PLXNA4: variants seen among roughly 807,000 people sequenced by gnomAD.
The protein encoded by PLXNA4 is plexin-A4.
Under a neutral mutation model 191.8 loss-of-function variants are expected in PLXNA4, and 44 were observed. The observed-to-expected ratio is 0.23, with a 90% CI of 0.18 to 0.29. PLXNA4 has a LOEUF of 0.29. PLXNA4 is among the 10% of genes least tolerant of loss of function. PLXNA4 has a pLI of 1.00. For synonymous variants in PLXNA4, 1,082 were observed against 1,009.5 expected (o/e 1.07, Z -1.36); for missense variants, 1,800 against 2,488.8 (o/e 0.72, Z 5.89).
intron 26 of PLXNA4, among the ~76,000 whole-genome samples, chr7:132,148,319 T>G (rs2082585421): frequency 6.6e-6 from 1 of 152,208 alleles, no homozygotes; most frequent in Non-Finnish European, 1.5e-5. Context: ...CCCTGGGGAC[T>G]CTGCCCATGC....
intron 4 of PLXNA4, among the ~76,000 whole-genome samples, chr7:132,254,302 C>T (rs557394980): frequency 2.0e-5 from 3 of 152,240 alleles, no homozygotes; most frequent in East Asian, 1.9e-4. Context: ...AGGAAATTGT[C>T]GCAACTTCTA....
chr7:132,520,426 GCAGCAGGAGGC>G (rs1258610679), intron 1 of PLXNA4, among the ~76,000 whole-genome samples: 7 of 151,956 alleles, frequency 4.6e-5, no homozygotes, highest in Non-Finnish European at 7.4e-5. Flanking sequence ...ACCTGGGTCC[GCAGCAGGAGGC>G]CAGCAGGAGG....
At chr7:132,382,888 A>G (rs1373401251) in intron 3 of PLXNA4, among the ~76,000 whole-genome samples, 1 of 152,216 alleles carries the variant, frequency 6.6e-6, no homozygotes, top group African/African-American at 2.4e-5. Flanking sequence ...AACACACACA[A>G]GTATATGCAT....
At chr7:132,435,555 A>C (rs1166303832) in intron 3 of PLXNA4, among the ~76,000 whole-genome samples, 1 of 152,176 alleles carries the variant, frequency 6.6e-6, no homozygotes, top group Non-Finnish European at 1.5e-5. Flanking sequence ...GGAGGTGAGA[A>C]AGAACAATGA....
chr7:132,145,804 C>T (rs143922870), intron 28 of PLXNA4, among the ~76,000 whole-genome samples: 1 of 151,530 alleles, frequency 6.6e-6, no homozygotes, highest in Non-Finnish European at 1.5e-5. Context: ...GACACGGTGG[C>T]TCATGCCTGT....
At chr7:132,334,706 C>T (rs1309769698) in intron 3 of PLXNA4, among the ~76,000 whole-genome samples, 1 of 152,150 alleles carries the variant, frequency 6.6e-6, no homozygotes, top group Non-Finnish European at 1.5e-5. Context: ...GGGGGAATGG[C>T]GGCCCCTAAA....
rs118056950 is a variant in PLXNA4, at chr7:132,337,230, C to G, written c.1372-39008G>C. 2.5e-3 allele frequency among the ~76,000 whole-genome samples: 374 copies of G among 152,364 alleles called. 9 individuals are homozygous for G. The East Asian group carries it at 0.056, about 23-fold the overall frequency. Reference sequence around the variant, plus strand: ...GGCATGAGCCAAAATAGAATGGACACTTGCAAACGTGCTGTAGATACCTGT... The same window carrying G: ...GGCATGAGCCAAAATAGAATGGACAGTTGCAAACGTGCTGTAGATACCTGT... On this transcript the variant is annotated intron_variant, in intron 3 of 31. Transcript: ENST00000321063.
At chr7:132,258,534 C>A (rs1406068403) in intron 4 of PLXNA4, among the ~76,000 whole-genome samples, 1 of 152,190 alleles carries the variant, frequency 6.6e-6, no homozygotes, top group Non-Finnish European at 1.5e-5. Context: ...GAGCAGGAGA[C>A]CCTGCCTGAC....
intron 3 of PLXNA4, among the ~76,000 whole-genome samples, chr7:132,348,897 T>A (rs1245423337): frequency 6.6e-6 from 1 of 152,172 alleles, no homozygotes; most frequent in African/African-American, 2.4e-5. Flanking sequence ...GGAAAAAATT[T>A]TTTTTGAGGA....
chr7:132,448,991 A>C (rs1048186465), intron 3 of PLXNA4, among the ~76,000 whole-genome samples: 1 of 151,336 alleles, frequency 6.6e-6, no homozygotes, highest in African/African-American at 2.5e-5. Context: ...GTAATGAATA[A>C]AATTTTGGTT....
chr7:132,179,408 G>T (rs57522957), intron 20 of PLXNA4, among the ~76,000 whole-genome samples: 1 of 127,328 alleles, frequency 7.9e-6, no homozygotes, highest in South Asian at 2.3e-4. Flanking sequence ...ACACAGATGC[G>T]CACGCACACA....
intron 3 of PLXNA4, among the ~76,000 whole-genome samples, chr7:132,380,054 A>C (rs1336822791): frequency 6.6e-6 from 1 of 152,262 alleles, no homozygotes; most frequent in East Asian, 1.9e-4. Context: ...ATTTTATATC[A>C]GTGTTGGCTT....
intron 1 of PLXNA4, among the ~76,000 whole-genome samples, chr7:132,526,113 C>A (rs560684571): frequency 6.6e-6 from 1 of 152,272 alleles, no homozygotes; most frequent in South Asian, 2.1e-4. Context: ...AAACTTAGAG[C>A]AATTTGCTTC....
At chr7:132,634,486 C>T (rs201425293) in intron 2 of PLXNA4, among the ~76,000 whole-genome samples, 1 of 151,510 alleles carries the variant, frequency 6.6e-6, no homozygotes, top group South Asian at 2.1e-4. Flanking sequence ...ACACACACTA[C>T]ACACACACAT....
intron 1 of PLXNA4, among the ~76,000 whole-genome samples, chr7:132,563,875 T>C (rs1801541597): frequency 9.0e-6 from 1 of 110,804 alleles, no homozygotes; most frequent in Admixed American, 9.6e-5. Flanking sequence ...CTCCTCTTCC[T>C]CCTCCTCCTT....
At chr7:132,307,676 G>T (rs1308270142) in intron 3 of PLXNA4, among the ~76,000 whole-genome samples, 3 of 152,172 alleles carry the variant, frequency 2.0e-5, no homozygotes, top group Non-Finnish European at 4.4e-5. Flanking sequence ...CAGCAGGGTG[G>T]ACTGTTTGAT....
At chr7:132,299,891 A>G (rs1420333715) in intron 3 of PLXNA4, among the ~76,000 whole-genome samples, 1 of 152,162 alleles carries the variant, frequency 6.6e-6, no homozygotes, top group Non-Finnish European at 1.5e-5. Flanking sequence ...TTCACTCTCA[A>G]AGGGGTAGAA....
chr7:132,406,669 C>A (rs991367568), intron 3 of PLXNA4, among the ~76,000 whole-genome samples: 21 of 152,152 alleles, frequency 1.4e-4, no homozygotes, highest in Non-Finnish European at 4.4e-5. Flanking sequence ...CCTCATCCAG[C>A]CTTCTGTTTC....
chr7:132,348,080 A>G (rs1199737719), intron 3 of PLXNA4, among the ~76,000 whole-genome samples: 2 of 152,122 alleles, frequency 1.3e-5, no homozygotes, highest in Admixed American at 6.6e-5. Flanking sequence ...GAGGTGTCAG[A>G]TATCAACCTG....
Sources: allele counts gnomAD v4.1 joint callset (sites outside exome capture counted in the v4.1 genomes callset), GRCh38; gene constraint gnomAD v4.1.1; transcripts MANE v1.5; gene names NCBI Gene and HGNC (gene_info 2026-07-23, HGNC 2026-07-21).